Variants in GNA12 observed in about 807,000 individuals in gnomAD.
The protein encoded by GNA12 is guanine nucleotide-binding protein subunit alpha-12.
Under a neutral mutation model 26.0 loss-of-function variants are expected in GNA12, and 9 were observed. That is an observed-to-expected ratio of 0.35 (90% CI 0.21 to 0.60). GNA12 has a LOEUF of 0.60. Ranked by LOEUF, GNA12 falls within the 20% of genes least tolerant of loss-of-function variation. The pLI is 0.78. For synonymous variants in GNA12, 264 were observed against 219.6 expected (o/e 1.20, Z -1.79); for missense variants, 405 against 525.8 (o/e 0.77, Z 2.25).
chr7:2,839,782 C>T (rs962490725), intron 1 of GNA12, among the ~76,000 whole-genome samples: 4 of 152,066 alleles, frequency 2.6e-5, no homozygotes, highest in East Asian at 1.9e-4. Flanking sequence ...GGGTGGATCA[C>T]GAGGTCAGGA....
At chr7:2,768,534 T>G (rs1791864718) in intron 2 of GNA12, among the ~76,000 whole-genome samples, 1 of 151,970 alleles carries the variant, frequency 6.6e-6, no homozygotes, top group Non-Finnish European at 1.5e-5. Flanking sequence ...GATGTAACAC[T>G]CAGGAAAACA....
chr7:2,753,170 A>T (rs1310345563), intron 2 of GNA12, among the ~76,000 whole-genome samples: 1 of 152,044 alleles, frequency 6.6e-6, no homozygotes, highest in Non-Finnish European at 1.5e-5. Flanking sequence ...TTTTTTAAAA[A>T]AAGAGACAGG....
chr7:2,814,868 C>T, intron 1 of GNA12: 1 of 1,601,640 alleles, frequency 6.2e-7, no homozygotes, highest in Non-Finnish European at 8.5e-7. Flanking sequence ...CTCCACAGCA[C>T]TCACTCACAC....
At chr7:2,765,717 G>A (rs773920183) in intron 2 of GNA12, among the ~76,000 whole-genome samples, 10 of 151,708 alleles carry the variant, frequency 6.6e-5, no homozygotes, top group Non-Finnish European at 1.2e-4. Flanking sequence ...CACAACCTCC[G>A]CCTCCTGGGT....
intron 1 of GNA12, 98 bp from the exon 2 acceptor site, chr7:2,795,241 A>G (rs1390814294): frequency 2.3e-6 from 2 of 866,848 alleles, no homozygotes; most frequent in Admixed American, 2.0e-5. Context: ...ATAACGCAGA[A>G]AACTCACAAG....
chr7:2,735,989 G>T (rs1478434939), intron 2 of GNA12, among the ~76,000 whole-genome samples: 3 of 152,142 alleles, frequency 2.0e-5, no homozygotes, highest in Non-Finnish European at 2.9e-5. Flanking sequence ...GTGCACTGCG[G>T]TTCACCAACA....
rs188540254 is a variant in GNA12 at position 2,770,279 on chromosome 7, T to A, written c.525+24649A>T. 1.1e-3 allele frequency among the ~76,000 whole-genome samples: 166 copies of A among 152,336 alleles called. 5 individuals are homozygous for A. Among genetic ancestry groups the A allele is most frequent in the Admixed American group, 5.9e-4 (9 of 15,296 alleles). On this transcript the variant is annotated intron_variant, in intron 2 of 3. Coordinates refer to ENST00000275364, the MANE Select transcript of GNA12 (RefSeq NM_007353.3). ...TTGGCAAAATTGTTTAATAGGGTCT[T>A]GTTTTATTTATAAACATGTCCCGTT...
At chr7:2,734,638 G>A (rs1790067100) in intron 2 of GNA12, among the ~76,000 whole-genome samples, 1 of 152,226 alleles carries the variant, frequency 6.6e-6, no homozygotes, top group Non-Finnish European at 1.5e-5. Context: ...AGACTGAGGG[G>A]AGAAAGCAGA....
At chr7:2,774,345 T>C (rs1488238057) in intron 2 of GNA12, among the ~76,000 whole-genome samples, 2 of 152,082 alleles carry the variant, frequency 1.3e-5, no homozygotes, top group Non-Finnish European at 2.9e-5. Flanking sequence ...TAATAGGTAG[T>C]GGTGGGTGCG....
chr7:2,759,195 A>C (rs1791445106), intron 2 of GNA12, among the ~76,000 whole-genome samples: 1 of 151,408 alleles, frequency 6.6e-6, no homozygotes, highest in African/African-American at 2.4e-5. Flanking sequence ...AAATAAAATA[A>C]AAATAAAAAC....
Position 2,843,991 on chromosome 7 carries a change from C to T in GNA12, c.171G>A (p.Leu57=). The change falls in exon 1 of 4, where the codon CTG becomes CTA. Residue 57 remains leucine (L), a synonymous_variant. Coordinates refer to ENST00000275364, the MANE Select transcript of GNA12 (RefSeq NM_007353.3). Reference sequence around the variant, plus strand: ...CCGCGCCCAGCAGCAGGATCTTCACCAGGCGCCGGACCGCGCGCCGCTCGC... The same window carrying T: ...CCGCGCCCAGCAGCAGGATCTTCACTAGGCGCCGGACCGCGCGCCGCTCGC... ...LARERRAVRR[L]VKILLLGAGE... is the part of the protein sequence containing the mutation. 2 of 1,576,920 alleles carry T rather than the reference C, an allele frequency of 1.3e-6. No homozygotes were observed. The highest frequency in any genetic ancestry group is 1.2e-5 in the South Asian group (1 of 86,740).
chr7:2,791,286 G>A (rs1415451494), intron 2 of GNA12, among the ~76,000 whole-genome samples: 3 of 152,216 alleles, frequency 2.0e-5, no homozygotes, highest in Admixed American at 6.5e-5. Flanking sequence ...AGCCACAGAA[G>A]TGATGCTCAT....
At chr7:2,752,476 C>T (rs1014087268) in intron 2 of GNA12, among the ~76,000 whole-genome samples, 2 of 152,102 alleles carry the variant, frequency 1.3e-5, no homozygotes, top group Non-Finnish European at 2.9e-5. Flanking sequence ...ACAAATGAAA[C>T]AAAAGACACA....
chr7:2,830,960 AAAC>A (rs1055236088), intron 1 of GNA12, among the ~76,000 whole-genome samples: 2 of 148,992 alleles, frequency 1.3e-5, no homozygotes, highest in Non-Finnish European at 3.0e-5. Context: ...AATGAAAAAA[AAAC>A]AAAAAACAAA....
intron 2 of GNA12, among the ~76,000 whole-genome samples, chr7:2,743,742 G>A (rs1168721028): frequency 1.3e-5 from 2 of 152,220 alleles, no homozygotes; most frequent in East Asian, 1.9e-4. Flanking sequence ...CACTCGGGAA[G>A]CGCAAGGGGT....
chr7:2,740,829 G>C (rs1438765742), intron 2 of GNA12, among the ~76,000 whole-genome samples: 1 of 152,178 alleles, frequency 6.6e-6, no homozygotes, highest in Non-Finnish European at 1.5e-5. Context: ...CGGATCACGA[G>C]GTCGAGAGAT....
At chr7:2,818,884 G>C (rs1307846636) in intron 1 of GNA12, among the ~76,000 whole-genome samples, 1 of 152,034 alleles carries the variant, frequency 6.6e-6, no homozygotes, top group Non-Finnish European at 1.5e-5. Context: ...ACCCTTTCAT[G>C]GTCCCCTGTA....
chr7:2,755,576 A>G (rs745696128), intron 2 of GNA12, among the ~76,000 whole-genome samples: 5 of 152,190 alleles, frequency 3.3e-5, no homozygotes, highest in African/African-American at 4.8e-5. Context: ...AGTAAAATTT[A>G]TATTTTGTAT....
chr7:2,837,173 G>C (rs1428806493), intron 1 of GNA12, among the ~76,000 whole-genome samples: 1 of 151,112 alleles, frequency 6.6e-6, no homozygotes, highest in Non-Finnish European at 1.5e-5. Flanking sequence ...GGGCCCAGTG[G>C]GGAAGTGCAC....
Sources: allele counts gnomAD v4.1 joint callset (sites outside exome capture counted in the v4.1 genomes callset), GRCh38; gene constraint gnomAD v4.1.1; transcripts MANE v1.5; gene names NCBI Gene and HGNC (gene_info 2026-07-23, HGNC 2026-07-21).